LAMA1: variants seen among roughly 807,000 people sequenced by gnomAD.
LAMA1 encodes laminin subunit alpha 1.
In LAMA1, 219 loss-of-function variants were observed where a neutral mutation model predicts 348.7. The observed-to-expected ratio is 0.63, with a 90% CI of 0.56 to 0.70. The LOEUF is 0.70. Among genes scored for constraint, LAMA1 ranks in the 30% least tolerant of loss-of-function variants. LAMA1 has a pLI of 0.00. For missense variants in LAMA1, 3,744 were observed against 3,888.0 expected (o/e 0.96, Z 0.99); for synonymous variants, 1,487 against 1,491.0 (o/e 1.00, Z 0.06).
At chr18:7,036,596 T>C (rs1351306733) in intron 12 of LAMA1, among the ~76,000 whole-genome samples, 1 of 152,148 alleles carries the variant, frequency 6.6e-6, no homozygotes, top group African/African-American at 2.4e-5. Context: ...CAGCAATATA[T>C]TGTTCAGAAC....
intron 1 of LAMA1, among the ~76,000 whole-genome samples, chr18:7,097,214 G>A (rs956864994): frequency 1.3e-5 from 2 of 151,438 alleles, no homozygotes; most frequent in Non-Finnish European, 2.9e-5. Context: ...AGAAGGGCTG[G>A]ATCAGCTCTC....
chr18:7,004,158 A>G lies in LAMA1; in HGVS notation c.4261-1773T>C, dbSNP rs867154518. 1.8e-4 allele frequency among the ~76,000 whole-genome samples: 28 copies of G among 152,280 alleles called. No individual in the cohort carries two copies. In the South Asian group the frequency reaches 4.8e-3, roughly 26 times the overall value. On this transcript the variant is annotated intron_variant, in intron 29 of 62. Transcript: ENST00000389658. ...GCAGGGAAACAAGGACCCCCTAATG[A>G]GAACCAAAGTGTGGGCTGAATTAGT... is the stretch of plus-strand genomic sequence containing the variant.
At chr18:6,977,532 A>G (rs1451522182) in intron 44 of LAMA1, among the ~76,000 whole-genome samples, 195 bp downstream of exon 44, 1 of 152,240 alleles carries the variant, frequency 6.6e-6, no homozygotes, top group African/African-American at 2.4e-5. Context: ...CAAAAGCAGA[A>G]CTCAAAGAAA....
chr18:7,036,310 A>C (rs1186302693), intron 12 of LAMA1, among the ~76,000 whole-genome samples: 1 of 152,256 alleles, frequency 6.6e-6, no homozygotes, highest in Non-Finnish European at 1.5e-5. Flanking sequence ...ACTGTTTGAA[A>C]GCACAGAAGA....
At chr18:6,982,208 G>A (rs1322425647) in intron 41 of LAMA1, among the ~76,000 whole-genome samples, 2 of 152,170 alleles carry the variant, frequency 1.3e-5, no homozygotes, top group African/African-American at 4.8e-5. Flanking sequence ...AACAGTGAAG[G>A]CTCCAAGCTA....
At chr18:7,074,311 G>C (rs2058158127) in intron 3 of LAMA1, among the ~76,000 whole-genome samples, 1 of 152,108 alleles carries the variant, frequency 6.6e-6, no homozygotes, top group South Asian at 2.1e-4. Context: ...CTTCCCTATT[G>C]AATAATGACG....
chr18:7,046,194 T>C, intron 6 of LAMA1, 84 bp downstream of exon 6: 1 of 887,938 alleles, frequency 1.1e-6, no homozygotes, highest in Admixed American at 1.9e-5. Flanking sequence ...TCATGTTTGT[T>C]TGGAATAAAA....
chr18:6,979,557 T>C (rs1023964649), intron 42 of LAMA1, among the ~76,000 whole-genome samples: 2 of 151,990 alleles, frequency 1.3e-5, no homozygotes, highest in Non-Finnish European at 2.9e-5. Flanking sequence ...AAAGAGAAGT[T>C]TGAGGTGCAG....
chr18:6,977,165 T>C (rs1365743908), intron 44 of LAMA1, among the ~76,000 whole-genome samples: 1 of 152,212 alleles, frequency 6.6e-6, no homozygotes, highest in Admixed American at 6.5e-5. Flanking sequence ...GCCAGTGCCA[T>C]GTGCCATGGG....
intron 3 of LAMA1, chr18:7,079,640 T>G (rs2058184691): frequency 2.6e-6 from 1 of 387,462 alleles, no homozygotes; most frequent in Non-Finnish European, 4.9e-6. Flanking sequence ...ATACATGTGT[T>G]TTCCCCCTCT....
At chr18:6,985,152 C>G in intron 39 of LAMA1, 85 bp downstream of exon 39, 1 of 1,482,338 alleles carries the variant, frequency 6.7e-7, no homozygotes. Flanking sequence ...GGAAGAGTGA[C>G]CCATCACTGT....
rs1340959728 is a variant in LAMA1, at chr18:6,975,052, T to C, written c.6490-16A>G. 1 of 1,612,200 alleles carries C rather than the reference T, an allele frequency of 6.2e-7. No individual in the cohort carries two copies. The highest frequency in any genetic ancestry group is 8.5e-7 in the Non-Finnish European group (1 of 1,179,182). On this transcript the variant is annotated splice_polypyrimidine_tract_variant and intron_variant, in intron 45 of 62. Transcript: ENST00000389658. The stretch of plus-strand genomic sequence containing the variant: ...GGAAATCAGACTGGGGGGCGAGGAA[T>C]GAACGGGGATCAGTTTACACACTGG...
At chr18:7,100,802 G>C (rs1157034472) in intron 1 of LAMA1, among the ~76,000 whole-genome samples, 1 of 152,108 alleles carries the variant, frequency 6.6e-6, no homozygotes, top group Non-Finnish European at 1.5e-5. Flanking sequence ...TTGAGGTCAG[G>C]AGTTCTAGAC....
At chr18:7,046,721 A>G (rs2058043125) in intron 5 of LAMA1, among the ~76,000 whole-genome samples, 3 of 152,236 alleles carry the variant, frequency 2.0e-5, no homozygotes, top group African/African-American at 4.8e-5. Context: ...GAGTTACCCT[A>G]GAATGCAAAG....
intron 3 of LAMA1, among the ~76,000 whole-genome samples, chr18:7,058,499 T>C (rs867880326): frequency 2.0e-5 from 3 of 152,244 alleles, no homozygotes; most frequent in Non-Finnish European, 4.4e-5. Flanking sequence ...TAACTTCCAG[T>C]AGCTCAGAAT....
chr18:7,057,682 T>C (rs1451015727), intron 3 of LAMA1, among the ~76,000 whole-genome samples: 1 of 151,830 alleles, frequency 6.6e-6, no homozygotes, highest in Non-Finnish European at 1.5e-5. Flanking sequence ...TCTCACTATA[T>C]TGCCCAGGCT....
chr18:7,055,136 G>T (rs1389864670), intron 3 of LAMA1, among the ~76,000 whole-genome samples: 2 of 151,130 alleles, frequency 1.3e-5, no homozygotes, highest in South Asian at 4.2e-4. Context: ...GTGTGTGTGT[G>T]TGTAAATATA....
chr18:7,076,113 T>C (rs938179316), intron 3 of LAMA1, among the ~76,000 whole-genome samples: 10 of 151,982 alleles, frequency 6.6e-5, no homozygotes, highest in African/African-American at 2.2e-4. Flanking sequence ...ATGGAGTATA[T>C]AGTCTAGAAA....
At position 7,044,842 on chromosome 18, in the gene LAMA1, A is replaced by T. The variant is rs199792770; in HGVS notation, c.859-3T>A. On this transcript the variant is annotated splice_region_variant and splice_polypyrimidine_tract_variant and intron_variant, in intron 6 of 62. Coordinates refer to ENST00000389658, the MANE Select transcript of LAMA1 (RefSeq NM_005559.4). ...TGCTCACATTGACACTGCAGTTTCT[A>T]CACAATAAGGAAGCCAAAACTGAAT... 2.2e-5 allele frequency: 36 copies of T among 1,607,182 alleles called. No homozygotes were observed. In the African/African-American group the frequency reaches 3.3e-4, roughly 15 times the overall value.
Sources: gnomAD v4.1 joint callset for allele counts (sites outside exome capture counted in the v4.1 genomes callset) on GRCh38, gnomAD v4.1.1 for gene constraint, MANE v1.5 for transcripts, NCBI Gene and HGNC (gene_info 2026-07-23, HGNC 2026-07-21) for gene names.